Variants in KIF17 observed in about 807,000 individuals in gnomAD.
The protein encoded by KIF17 is kinesin family member 17, also known as kinesin-like protein KIF17.
In KIF17, 80 loss-of-function variants were observed where a neutral mutation model predicts 96.8. The ratio of observed to expected loss-of-function variants is 0.83; its 90% CI spans 0.69 to 1.00. The LOEUF is 1.00. Among genes scored for constraint, KIF17 ranks in the 50% least tolerant of loss-of-function variants. The pLI, the probability that KIF17 is intolerant of heterozygous loss-of-function variation, is 0.00. For synonymous variants in KIF17, 567 were observed against 587.5 expected (o/e 0.97, Z 0.51); for missense variants, 1,280 against 1,372.9 (o/e 0.93, Z 1.07).
Position 20,687,945 on chromosome 1 carries a change from C to G in KIF17, c.1382-1G>C, listed in dbSNP as rs1333983994. 2 of 1,613,488 alleles carry G rather than the reference C, an allele frequency of 1.2e-6. No homozygotes were observed. The highest frequency in any genetic ancestry group is 1.7e-6 in the Non-Finnish European group (2 of 1,179,944). On this transcript the variant is annotated splice_acceptor_variant, in intron 7 of 14. Coordinates refer to ENST00000400463, the MANE Select transcript of KIF17 (RefSeq NM_001122819.3). LOFTEE classifies it high-confidence loss of function. The surrounding 1 kb of genome is among the most constrained non-coding windows in gnomAD (Gnocchi z 4.4). Reference sequence around the variant, plus strand: ...AGGACTCCCACCTGCAGGACAGCCTCTGCAAAATGGAGAACTTCCTTCAGG... The same window carrying G: ...AGGACTCCCACCTGCAGGACAGCCTGTGCAAAATGGAGAACTTCCTTCAGG...
At chr1:20,703,433 G>A (rs145171472) in intron 5 of KIF17, among the ~76,000 whole-genome samples, 15 of 151,046 alleles carry the variant, frequency 9.9e-5, no homozygotes, top group African/African-American at 3.7e-4. Context: ...AGGAAGAAAT[G>A]GATTGATGGA....
At chr1:20,695,600 C>G (rs1003141895) in intron 6 of KIF17, among the ~76,000 whole-genome samples, 1 of 152,112 alleles carries the variant, frequency 6.6e-6, no homozygotes, top group Non-Finnish European at 1.5e-5. Flanking sequence ...CCCTCCTCTC[C>G]CCCCACATCC....
chr1:20,702,401 G>A (rs955966314), intron 5 of KIF17, among the ~76,000 whole-genome samples: 11 of 152,130 alleles, frequency 7.2e-5, no homozygotes, highest in South Asian at 2.1e-4. Context: ...TGCTGGGTGC[G>A]GGGGCCGCGG....
intron 5 of KIF17, among the ~76,000 whole-genome samples, chr1:20,701,203 G>T (rs1028971215): frequency 6.6e-6 from 1 of 152,184 alleles, no homozygotes; most frequent in Non-Finnish European, 1.5e-5. Flanking sequence ...GGAGGCTGAG[G>T]CGGGCGAATC....
chr1:20,685,671 C>T lies in KIF17; in HGVS notation c.2019+375G>A, dbSNP rs937468274. The stretch of plus-strand genomic sequence containing the variant: ...AATGTAGGGAGATTTAAAGCTTCCT[C>T]TCCTTTTGCTCCCCTGGGGTGTTCA... On this transcript the variant is annotated intron_variant, in intron 9 of 14. Coordinates refer to ENST00000400463, the MANE Select transcript of KIF17 (RefSeq NM_001122819.3). The surrounding 1 kb of genome is among the most constrained non-coding windows in gnomAD (Gnocchi z 4.1). Among the ~76,000 whole-genome samples the T allele has an allele frequency of 6.6e-6, 1 of 152,178 alleles. No individual in the cohort carries two copies. The highest frequency in any genetic ancestry group is 2.4e-5 in the African/African-American group (1 of 41,436).
intron 10 of KIF17, 41 bp downstream of exon 10, chr1:20,684,768 C>G: frequency 6.5e-7 from 1 of 1,532,704 alleles, no homozygotes; most frequent in Non-Finnish European, 8.8e-7. Context: ...CCCTTCCCAC[C>G]TCACCGTGGG....
chr1:20,705,580 G>A (rs1210953599), intron 4 of KIF17, among the ~76,000 whole-genome samples: 2 of 152,168 alleles, frequency 1.3e-5, no homozygotes, highest in African/African-American at 4.8e-5. Context: ...CCACAGACAC[G>A]CTTTGAAGAC....
At position 20,672,295 on chromosome 1, in the gene KIF17, T is replaced by A; in HGVS notation, c.2464-99A>T. The A allele has an allele frequency of 6.8e-7, 1 of 1,476,790 alleles. No individual in the cohort carries two copies. 91.5% of individuals were successfully genotyped at this position (1,476,790 alleles called of 1,614,324 possible). A position where few individuals can be genotyped will look rare whatever the true frequency, so the allele number is the denominator to read the frequency against. ...CTGTCCTGCCAGCAGCCACGCATCG[T>A]CTGTTCATTGGCCTGATCAGCCATC... On this transcript the variant is annotated intron_variant, in intron 11 of 14. Transcript: ENST00000400463. The surrounding 1 kb of genome is among the most constrained non-coding windows in gnomAD (Gnocchi z 4.3).
At chr1:20,701,191 T>C (rs902081809) in intron 5 of KIF17, among the ~76,000 whole-genome samples, 2 of 152,150 alleles carry the variant, frequency 1.3e-5, no homozygotes, top group Non-Finnish European at 2.9e-5. Flanking sequence ...CTCAGCACTT[T>C]GGGAGGCTGA....
rs555034238 is a variant in KIF17, at chr1:20,672,583, A to C, written c.2464-387T>G. ...TTGAGAAGTCCCCACATCCAACACCACCGTTCTAAAGGATATCAGAGAATT... is the reference window on the plus strand; with the variant it reads ...TTGAGAAGTCCCCACATCCAACACCCCCGTTCTAAAGGATATCAGAGAATT... On this transcript the variant is annotated intron_variant, in intron 11 of 14. Transcript: ENST00000400463. The surrounding 1 kb of genome is among the most constrained non-coding windows in gnomAD (Gnocchi z 4.3). Among the ~76,000 whole-genome samples, 1 of 152,212 alleles carries C rather than the reference A, an allele frequency of 6.6e-6. No homozygotes were observed. Among genetic ancestry groups the C allele is most frequent in the Non-Finnish European group, 1.5e-5 (1 of 68,008 alleles).
chr1:20,664,643 G>T lies in KIF17; in HGVS notation c.3028C>A (p.Pro1010Thr), dbSNP rs2053492391. 6.3e-7 allele frequency: 1 copy of T among 1,597,670 alleles called. No homozygotes were observed. Among genetic ancestry groups the T allele is most frequent in the Non-Finnish European group, 8.5e-7 (1 of 1,169,816 alleles). Residue 1010 changes from proline (P) to threonine (T), a missense_variant, in exon 15 of 15, where the codon CCT (proline) becomes ACT (threonine). By Grantham distance (38) the Pro-to-Thr change is conservative (BLOSUM62 -1). Coordinates refer to ENST00000400463, the MANE Select transcript of KIF17 (RefSeq NM_001122819.3). Reference sequence around the variant, plus strand: ...TTCTTACGCTTGGCCTTGGTGAAAGGGATGTCGAGGGACTCGAGGCGGAAG... The same window carrying T: ...TTCTTACGCTTGGCCTTGGTGAAAGTGATGTCGAGGGACTCGAGGCGGAAG... ...RPFRLESLDIPFTKAKRKKSK... is the reference protein window; with the variant it reads ...RPFRLESLDITFTKAKRKKSK...
chr1:20,666,354 G>A (rs61778492), intron 13 of KIF17, 23 bp from the exon 14 acceptor site: 1 of 1,564,680 alleles, frequency 6.4e-7, no homozygotes, highest in Non-Finnish European at 8.8e-7. Context: ...AGATGCCCGT[G>A]GTCACGTCCC....
intron 3 of KIF17, among the ~76,000 whole-genome samples, chr1:20,711,735 T>A (rs2054440433): frequency 6.6e-6 from 1 of 152,152 alleles, no homozygotes; most frequent in Non-Finnish European, 1.5e-5. Flanking sequence ...CCTTAGGTGA[T>A]GTAATAACCT....
intron 11 of KIF17, among the ~76,000 whole-genome samples, chr1:20,675,594 C>T (rs1334651273): frequency 6.6e-6 from 1 of 152,160 alleles, no homozygotes; most frequent in Non-Finnish European, 1.5e-5. Flanking sequence ...GCTTTGCAAC[C>T]AGGAAGTGTG....
At chr1:20,666,611 CA>C (rs777452423) in intron 13 of KIF17, among the ~76,000 whole-genome samples, 87 of 152,312 alleles carry the variant, frequency 5.7e-4, no homozygotes, top group Non-Finnish European at 1.1e-3. Flanking sequence ...TTCTGTCCTA[CA>C]AAGCTCAAAA....
At chr1:20,703,182 G>GATGAATGA (rs562812936) in intron 5 of KIF17, among the ~76,000 whole-genome samples, 8 of 151,714 alleles carry the variant, frequency 5.3e-5, no homozygotes, top group Admixed American at 1.3e-4. Context: ...TGGATGAATG[G>GATGAATGA]ATGGACGGAT....
rs2154536878 is a variant in KIF17, at chr1:20,699,027, G to A, written c.1124-539C>T. On this transcript the variant is annotated intron_variant, in intron 5 of 14. Coordinates refer to ENST00000400463, the MANE Select transcript of KIF17 (RefSeq NM_001122819.3). The surrounding 1 kb of genome is among the most constrained non-coding windows in gnomAD (Gnocchi z 4.3). ...TGCAGTGGTGGGATTATAACTCACT[G>A]AGGCCTCAAATTCCTGGGCTCAAAT... Among the ~76,000 whole-genome samples, 1 of 152,206 alleles carries A rather than the reference G, an allele frequency of 6.6e-6. No homozygotes were observed. Among genetic ancestry groups the A allele is most frequent in the South Asian group, 2.1e-4 (1 of 4,810 alleles).
chr1:20,689,152 T>C (rs1054862892), intron 7 of KIF17, among the ~76,000 whole-genome samples: 2 of 151,982 alleles, frequency 1.3e-5, no homozygotes, highest in African/African-American at 4.8e-5. Flanking sequence ...AGAGGCTCAG[T>C]GAGGAGGTGC....
In KIF17 at chr1:20,687,482, G is replaced by C; in HGVS notation, c.1844C>G (p.Pro615Arg). 2.5e-6 allele frequency: 4 copies of C among 1,613,940 alleles called. No individual in the cohort carries two copies. The highest frequency in any genetic ancestry group is 2.5e-6 in the Non-Finnish European group (3 of 1,179,954). Residue 615 changes from proline to arginine, a missense_variant, in exon 8 of 15, where the codon CCG (proline) becomes CGG (arginine). Transcript: ENST00000400463. The surrounding 1 kb of genome is among the most constrained non-coding windows in gnomAD (Gnocchi z 4.4). The stretch of plus-strand genomic sequence containing the variant: ...CAGCTTGGCTTCCACCTCGGCAAAC[G>C]GGTCCTGCAGGCCTAGTAACCCCTG... ...PLQGLLGLQD[P>R]FAEVEAKLAR... is the part of the protein sequence containing the mutation.
Sources: allele counts gnomAD v4.1 joint callset (sites outside exome capture counted in the v4.1 genomes callset), GRCh38; gene constraint gnomAD v4.1.1; non-coding constraint Gnocchi (gnomAD v3.1); transcripts MANE v1.5; gene names NCBI Gene and HGNC (gene_info 2026-07-23, HGNC 2026-07-21).